The following BDP1 variants were observed in gnomAD, a reference collection of about 807,000 sequenced individuals.
BDP1 encodes BDP1 general transcription factor IIIB subunit, also known as transcription factor TFIIIB component B'' homolog.
BDP1 carries 169 observed loss-of-function variants against 266.6 expected under a neutral mutation model. The observed-to-expected ratio is 0.63, with a 90% confidence interval of 0.56 to 0.72. The LOEUF is 0.72. BDP1 is among the 30% of genes least tolerant of loss of function. The pLI is 0.00. For missense variants in BDP1, 3,015 were observed against 3,053.8 expected, an observed-to-expected ratio of 0.99 and a Z score of 0.30; for synonymous variants, 1,090 against 1,022.4, an observed-to-expected ratio of 1.07 and a Z score of -1.26.
intron 16 of BDP1, among the ~76,000 whole-genome samples, chr5:71,505,330 T>C (rs916442654): frequency 6.6e-6 from 1 of 152,196 alleles, no homozygotes; most frequent in Non-Finnish European, 1.5e-5. Flanking sequence ...AACATGCATA[T>C]TGAAATATAT....
intron 21 of BDP1, 92 bp downstream of exon 21, chr5:71,516,363 G>T: frequency 1.1e-6 from 1 of 937,226 alleles, no homozygotes; most frequent in South Asian, 1.7e-5. Context: ...ACAGGCATCT[G>T]ACACTTATTC....
At position 71,501,635 on chromosome 5, in the gene BDP1, A is replaced by G. The variant is rs199719765; in HGVS notation, c.2030A>G (p.Glu677Gly). 83 of 1,565,008 alleles carry G rather than the reference A, an allele frequency of 5.3e-5. No individual in the cohort carries two copies. The African/African-American group carries it at 9.9e-4, about 19-fold the overall frequency. ...RMETTERENP[E>G]AETVSVLGEK... is the part of the protein sequence containing the mutation. ...GAGACTACAGAGAGAGAGAATCCAG[A>G]AGCTGAAACTGTATCTGTGTGAGTA... is the stretch of plus-strand genomic sequence containing the variant. The change falls in exon 14 of 39, where the codon GAA becomes GGA. Residue 677 changes from glutamate (E) to glycine (G), a missense_variant. Coordinates refer to ENST00000358731, the MANE Select transcript of BDP1 (RefSeq NM_018429.3).
intron 16 of BDP1, among the ~76,000 whole-genome samples, chr5:71,507,988 CAG>C (rs1438272549): frequency 1.3e-5 from 2 of 152,204 alleles, no homozygotes; most frequent in Non-Finnish European, 2.9e-5. Context: ...CTGTTTGAGA[CAG>C]AGTCTTACTC....
At chr5:71,480,277 A>ATTTTTTTT (rs552593030) in intron 7 of BDP1, among the ~76,000 whole-genome samples, 20 of 105,012 alleles carry the variant, frequency 1.9e-4, no homozygotes, top group Non-Finnish European at 2.6e-4. Context: ...TGCCCAGCTA[A>ATTTTTTTT]TTTTTTTTTT....
intron 26 of BDP1, among the ~76,000 whole-genome samples, chr5:71,535,354 G>A (rs747229507): frequency 1.1e-4 from 16 of 151,930 alleles, no homozygotes; most frequent in African/African-American, 3.1e-4. Context: ...ACAAGCGCCC[G>A]CCACCACATC....
At chr5:71,573,468 A>G in the BDP1 span, among the ~76,000 whole-genome samples, 6 of 152,298 alleles carry the variant, frequency 3.9e-5, no homozygotes, top group Non-Finnish European at 7.3e-5. Flanking sequence ...ATTCATGAAC[A>G]CACTCGACTA....
At chr5:71,470,108 T>G (rs1762148527) in intron 6 of BDP1, among the ~76,000 whole-genome samples, 1 of 152,158 alleles carries the variant, frequency 6.6e-6, no homozygotes. Context: ...CCCAAAGTGC[T>G]GGGATTACAG....
chr5:71,458,983 A>C (rs1761371285), intron 2 of BDP1, 128 bp downstream of exon 2: 2 of 817,830 alleles, frequency 2.4e-6, no homozygotes, highest in Non-Finnish European at 3.8e-6. Context: ...AGTCAATAGA[A>C]CATCCCTTCT....
At chr5:71,575,873 C>T in the BDP1 span, among the ~76,000 whole-genome samples, 27 of 152,198 alleles carry the variant, frequency 1.8e-4, no homozygotes, top group Admixed American at 3.9e-4. Context: ...CTCTTTTGGC[C>T]GCTCCTACAG....
At chr5:71,516,421 G>T in intron 21 of BDP1, 150 bp downstream of exon 21, 7 of 581,298 alleles carry the variant, frequency 1.2e-5, no homozygotes, top group South Asian at 3.1e-5. Flanking sequence ...TGCTCTTCTG[G>T]ATTTTTTTTT....
intron 16 of BDP1, 21 bp downstream of exon 16, chr5:71,504,772 A>AT: frequency 6.2e-7 from 1 of 1,603,476 alleles, no homozygotes; most frequent in South Asian, 1.1e-5. Context: ...TTTTGTTGAT[A>AT]TATAATCTTT....
At chr5:71,517,008 A>G (rs1264971939) in intron 21 of BDP1, among the ~76,000 whole-genome samples, 1 of 152,186 alleles carries the variant, frequency 6.6e-6, no homozygotes, top group Non-Finnish European at 1.5e-5. Flanking sequence ...TTTTCTCTGA[A>G]CTAGGCATCC....
chr5:71,494,060 A>G (rs1374840809), intron 11 of BDP1, among the ~76,000 whole-genome samples: 1 of 152,200 alleles, frequency 6.6e-6, no homozygotes, highest in African/African-American at 2.4e-5. Flanking sequence ...CAGACTTTAA[A>G]AGATAAGATT....
chr5:71,551,957 C>G (rs1240799718), intron 34 of BDP1, among the ~76,000 whole-genome samples: 12 of 146,816 alleles, frequency 8.2e-5, no homozygotes, highest in Admixed American at 4.7e-4. Context: ...GGGGGCTGAC[C>G]CCCCCACCTC....
chr5:71,492,483 G>A (rs1763652124), intron 11 of BDP1, among the ~76,000 whole-genome samples: 3 of 151,974 alleles, frequency 2.0e-5, no homozygotes, highest in East Asian at 1.9e-4. Context: ...TGCATTTCCC[G>A]GATAATTATT....
rs372915437 is a variant in BDP1, at chr5:71,461,822, A to C, written c.495A>C (p.Gln165His). 2 of 1,582,918 alleles carry C rather than the reference A, an allele frequency of 1.3e-6. No individual in the cohort carries two copies. Among genetic ancestry groups the C allele is most frequent in the East Asian group, 2.2e-5 (1 of 44,726 alleles). Residue 165 changes from glutamine to histidine, a missense_variant, in exon 3 of 39, where the codon CAA becomes CAC. By Grantham distance (24) the Gln-to-His change is conservative. This residue lies in a region of BDP1 where 2,383 missense variants were observed against 2,404.9 expected (regional missense o/e 0.99). Coordinates refer to ENST00000358731, the MANE Select transcript of BDP1 (RefSeq NM_018429.3). Reference sequence around the variant, plus strand: ...CTGTGTGTTTATGTATACAGAAACAATGGAAAAACAAATATGCTATAAATG... The same window carrying C: ...CTGTGTGTTTATGTATACAGAAACACTGGAAAAACAAATATGCTATAAATG... ...LKEELRKEKK[Q>H]WKNKYAINES...
chr5:71,548,858 A>C, intron 33 of BDP1, 113 bp downstream of exon 33: 1 of 772,832 alleles, frequency 1.3e-6, no homozygotes, highest in South Asian at 1.8e-5. Context: ...GCTGGCCTTA[A>C]ATTTAAAACG....
chr5:71,460,204 A>AC (rs370640243), intron 2 of BDP1, among the ~76,000 whole-genome samples: 16 of 152,294 alleles, frequency 1.1e-4, no homozygotes, highest in African/African-American at 3.4e-4. Flanking sequence ...ACATGGTGAA[A>AC]CCCCGTCTCT....
chr5:71,562,311 T>C lies in BDP1; in HGVS notation c.7534T>C (p.Cys2512Arg). 1 of 1,611,054 alleles carries C rather than the reference T, an allele frequency of 6.2e-7. No homozygotes were observed. The highest frequency in any genetic ancestry group is 8.5e-7 in the Non-Finnish European group (1 of 1,178,984). ...ACCCCTGGGATTTTTATCTTTAATA[T>C]GCTCAAAGAATAGTTTGGAGTCTGA... is the stretch of plus-strand genomic sequence containing the variant. Reference protein sequence around the residue: ...RRPLGFLSLICSKNSLESDEP... With the variant: ...RRPLGFLSLIRSKNSLESDEP... Residue 2512 changes from cysteine to arginine, a missense_variant, in exon 38 of 39, where the codon TGC (cysteine) becomes CGC (arginine). Physicochemically the swap from Cys to Arg is radical, Grantham distance 180. Around this residue, in one of 3 missense-constraint regions of BDP1, gnomAD observed 629 missense variants for 632.5 expected, o/e 0.99. Coordinates refer to ENST00000358731, the MANE Select transcript of BDP1 (RefSeq NM_018429.3).
Sources: allele counts gnomAD v4.1 joint callset (sites outside exome capture counted in the v4.1 genomes callset), GRCh38; gene constraint gnomAD v4.1.1; regional missense constraint gnomAD v4.1.1; transcripts MANE v1.5; gene names NCBI Gene and HGNC (gene_info 2026-07-23, HGNC 2026-07-21).